Variants in AFF3 observed in about 807,000 individuals in gnomAD.
The protein encoded by AFF3 is AF4/FMR2 family member 3.
In AFF3, 32 loss-of-function variants were observed where a neutral mutation model predicts 129.7. That is an observed-to-expected ratio of 0.25 (90% CI 0.19 to 0.33). The LOEUF is 0.33. AFF3 is among the 10% of genes least tolerant of loss of function. AFF3 has a pLI of 1.00. For synonymous variants in AFF3, 644 were observed against 635.4 expected, an observed-to-expected ratio of 1.01 and a Z score of -0.20; for missense variants, 1,373 against 1,592.0, an observed-to-expected ratio of 0.86 and a Z score of 2.34.
chr2:99,680,073 G>C (rs1016016526), intron 11 of AFF3, among the ~76,000 whole-genome samples: 12 of 152,168 alleles, frequency 7.9e-5, no homozygotes, highest in African/African-American at 2.7e-4. Flanking sequence ...CACGGTTTGT[G>C]TGATTGTGAA....
At chr2:99,743,956 G>T in intron 10 of AFF3, 148 bp downstream of exon 10, 3 of 605,748 alleles carry the variant, frequency 5.0e-6, no homozygotes, top group Non-Finnish European at 8.4e-6. Context: ...CATTTGGGCA[G>T]CACTTGAACA....
chr2:99,560,289 T>C lies in AFF3; in HGVS notation c.3191+76A>G, dbSNP rs992953780. 5 of 1,478,650 alleles carry C rather than the reference T, an allele frequency of 3.4e-6. No individual in the cohort carries two copies. In the African/African-American group the frequency reaches 4.2e-5, roughly 12 times the overall value. The allele number at this position is 1,478,650 out of a possible 1,614,324, so 91.6% of individuals were successfully genotyped here. On this transcript the variant is annotated intron_variant, in intron 21 of 24. Coordinates refer to ENST00000672756, the MANE Select transcript of AFF3 (RefSeq NM_001386135.1). ...GTTAGAAGACATTGGGCAAACACTATGCCTTTCAGCACCTGGTTTGCCAAT... is the reference window on the plus strand; with the variant it reads ...GTTAGAAGACATTGGGCAAACACTACGCCTTTCAGCACCTGGTTTGCCAAT...
chr2:99,556,142 A>G (rs1410491849), intron 22 of AFF3, among the ~76,000 whole-genome samples: 2 of 152,210 alleles, frequency 1.3e-5, no homozygotes, highest in Admixed American at 6.5e-5. Context: ...GAAACAGTCC[A>G]GTAAAGGCTA....
At chr2:100,025,022 GT>G (rs1683923670) in intron 4 of AFF3, among the ~76,000 whole-genome samples, 1 of 152,108 alleles carries the variant, frequency 6.6e-6, no homozygotes, top group South Asian at 2.1e-4. Flanking sequence ...GACAGTGTAA[GT>G]TTTAATTTGT....
chr2:100,075,134 T>C (rs1688488114), intron 4 of AFF3, among the ~76,000 whole-genome samples: 1 of 152,086 alleles, frequency 6.6e-6, no homozygotes, highest in Non-Finnish European at 1.5e-5. Flanking sequence ...TGTTTGTAGG[T>C]GGGCGATGGG....
chr2:99,645,055 C>T (rs933625114), intron 13 of AFF3, among the ~76,000 whole-genome samples: 3 of 152,194 alleles, frequency 2.0e-5, no homozygotes, highest in African/African-American at 7.2e-5. Context: ...CTTTGCTGGG[C>T]CGAGTGTGGT....
At chr2:99,843,433 C>A (rs1689471886) in intron 7 of AFF3, among the ~76,000 whole-genome samples, 1 of 152,124 alleles carries the variant, frequency 6.6e-6, no homozygotes, top group African/African-American at 2.4e-5. Flanking sequence ...GAGGAAAATG[C>A]AAAGGAAAAA....
intron 21 of AFF3, among the ~76,000 whole-genome samples, chr2:99,560,015 C>T (rs1455361221): frequency 6.6e-6 from 1 of 152,256 alleles, no homozygotes; most frequent in African/African-American, 2.4e-5. Context: ...AATCCCAGCA[C>T]TCTGGGAGGC....
chr2:99,714,277 G>C (rs900211472), intron 11 of AFF3, among the ~76,000 whole-genome samples: 1 of 152,146 alleles, frequency 6.6e-6, no homozygotes, highest in Non-Finnish European at 1.5e-5. Flanking sequence ...GGCAAAGGCT[G>C]GTCAGTCTTC....
chr2:100,058,247 G>T (rs377559539), intron 4 of AFF3, among the ~76,000 whole-genome samples: 17 of 152,170 alleles, frequency 1.1e-4, no homozygotes, highest in African/African-American at 4.1e-4. Context: ...CTTGCCCAAG[G>T]GACATAACTA....
At chr2:100,045,899 G>A (rs1685792673) in intron 4 of AFF3, among the ~76,000 whole-genome samples, 1 of 152,062 alleles carries the variant, frequency 6.6e-6, no homozygotes, top group Admixed American at 6.6e-5. Context: ...TTAATCAACT[G>A]TTTATGTTAT....
At chr2:99,814,414 C>A (rs1687051260) in intron 8 of AFF3, among the ~76,000 whole-genome samples, 1 of 152,148 alleles carries the variant, frequency 6.6e-6, no homozygotes, top group African/African-American at 2.4e-5. Flanking sequence ...ACAAAATATA[C>A]TACTGCATGC....
chr2:99,891,887 A>G (rs886274343), intron 7 of AFF3, among the ~76,000 whole-genome samples: 2 of 151,384 alleles, frequency 1.3e-5, no homozygotes, highest in Non-Finnish European at 2.9e-5. Context: ...CACTGGCATG[A>G]TCTCAGCTCA....
At chr2:99,658,553 T>G (rs1234363721) in intron 12 of AFF3, among the ~76,000 whole-genome samples, 1 of 152,332 alleles carries the variant, frequency 6.6e-6, no homozygotes, top group Middle Eastern at 3.4e-3. Flanking sequence ...TTTCACCACG[T>G]TGGCCAGGCT....
intron 22 of AFF3, 91 bp from the exon 23 acceptor site, chr2:99,554,823 A>AG: frequency 6.8e-7 from 1 of 1,466,736 alleles, no homozygotes; most frequent in African/African-American, 1.4e-5. Context: ...TGCAGAGAGA[A>AG]GCAAAGGCAG....
chr2:99,695,681 T>TA (rs1676142137), intron 11 of AFF3, among the ~76,000 whole-genome samples: 2 of 152,160 alleles, frequency 1.3e-5, no homozygotes, highest in South Asian at 4.1e-4. Context: ...ACAACCTTAA[T>TA]AAGCAGAAGA....
intron 7 of AFF3, among the ~76,000 whole-genome samples, chr2:99,942,019 T>C (rs114615671): frequency 0.013 from 2,048 of 152,214 alleles, 56 homozygotes; most frequent in African/African-American, 0.047. Flanking sequence ...ACAACATATA[T>C]ATAAGTGTAA....
At position 99,565,641 on chromosome 2, in the gene AFF3, T is replaced by C; in HGVS notation, c.2983-18A>G. ...TTTTCCACCTGATCAACAGAGTTAA[T>C]ACAGTGTCTTCCTAAACAATAGTTT... On this transcript the variant is annotated intron_variant, in intron 19 of 24. Transcript: ENST00000672756. 1 of 1,608,476 alleles carries C rather than the reference T, an allele frequency of 6.2e-7. No homozygotes were observed. Among genetic ancestry groups the C allele is most frequent in the Non-Finnish European group, 8.5e-7 (1 of 1,175,366 alleles).
intron 13 of AFF3, among the ~76,000 whole-genome samples, chr2:99,608,601 T>C (rs1680606289): frequency 1.3e-5 from 2 of 152,144 alleles, no homozygotes; most frequent in Non-Finnish European, 2.9e-5. Context: ...TGTGTAACAT[T>C]ATAAATGGCA....
Sources: allele counts gnomAD v4.1 joint callset (sites outside exome capture counted in the v4.1 genomes callset), GRCh38; gene constraint gnomAD v4.1.1; transcripts MANE v1.5; gene names NCBI Gene and HGNC (gene_info 2026-07-23, HGNC 2026-07-21).